The following NCKAP5 variants were observed in gnomAD, a reference collection of about 807,000 sequenced individuals.
The protein encoded by NCKAP5 is NCK associated protein 5.
NCKAP5 carries 92 observed loss-of-function variants against 167.0 expected under a neutral mutation model. The observed-to-expected ratio is 0.55, with a 90% CI of 0.47 to 0.66. NCKAP5 has a LOEUF of 0.66. NCKAP5 is among the 30% of genes least tolerant of loss of function. The pLI, the probability that NCKAP5 is intolerant of heterozygous loss-of-function variation, is 0.00. For missense variants in NCKAP5, 2,378 were observed against 2,315.0 expected, an observed-to-expected ratio of 1.03 and a Z score of -0.56; for synonymous variants, 891 against 877.4, an observed-to-expected ratio of 1.02 and a Z score of -0.27.
chr2:132,785,492 C>A lies in NCKAP5; in HGVS notation c.1319G>T (p.Gly440Val). 6.2e-7 allele frequency: 1 copy of A among 1,613,024 alleles called. No individual in the cohort carries two copies. Among genetic ancestry groups the A allele is most frequent in the Non-Finnish European group, 8.5e-7 (1 of 1,179,454 alleles). Residue 440 changes from glycine to valine, a missense_variant, in exon 14 of 20, where the codon GGA becomes GTA. Physicochemically the swap from Gly to Val is moderately radical, Grantham distance 109. This residue lies in a region of NCKAP5 where 1,049 missense variants were observed against 1,023.4 expected (regional missense o/e 1.02). Transcript: ENST00000409261. Reference protein sequence around the residue: ...MNSNEGIYSPGIKSSSLKEYP... With the variant: ...MNSNEGIYSPVIKSSSLKEYP... ...CTCCTTGAGGCTGCTACTTTTAATT[C>A]CAGGAGAATATATTCCTTCATTCGA...
At chr2:133,011,446 G>A (rs573786098) in intron 6 of NCKAP5, among the ~76,000 whole-genome samples, 2 of 152,376 alleles carry the variant, frequency 1.3e-5, no homozygotes, top group East Asian at 3.9e-4. Context: ...GATTGGAAAA[G>A]AGAGGGAAAG....
intron 3 of NCKAP5, among the ~76,000 whole-genome samples, chr2:133,492,143 T>TTGTGTGTGTGTGTGTG (rs780998843): frequency 1.2e-5 from 1 of 84,452 alleles, no homozygotes; most frequent in Non-Finnish European, 2.3e-5. Flanking sequence ...CATATCTAGT[T>TTGTGTGTGTGTGTGTG]AGTGTGTGTG....
At chr2:133,616,730 G>A in the NCKAP5 span, among the ~76,000 whole-genome samples, 3 of 151,956 alleles carry the variant, frequency 2.0e-5, no homozygotes, top group East Asian at 3.9e-4. Flanking sequence ...GGTACAAGGA[G>A]GAACTGGTAC....
intron 6 of NCKAP5, among the ~76,000 whole-genome samples, chr2:133,036,028 T>C (rs2079029357): frequency 6.6e-6 from 1 of 151,932 alleles, no homozygotes; most frequent in Non-Finnish European, 1.5e-5. Context: ...AAAGGATTAT[T>C]AGGGGCTACT....
intron 1 of NCKAP5, among the ~76,000 whole-genome samples, chr2:133,562,222 C>CAT (rs1272266391): frequency 2.6e-5 from 4 of 151,454 alleles, no homozygotes; most frequent in Admixed American, 1.3e-4. Context: ...TATACACACA[C>CAT]ATATATATAT....
At chr2:133,580,673 C>G in the NCKAP5 span, among the ~76,000 whole-genome samples, 1 of 152,276 alleles carries the variant, frequency 6.6e-6, no homozygotes, top group African/African-American at 2.4e-5. Flanking sequence ...AGCATTTTCC[C>G]CACAAGCTTT....
chr2:133,067,617 C>T lies in NCKAP5; in HGVS notation c.341+62361G>A, dbSNP rs2080242988. Among the ~76,000 whole-genome samples the T allele has an allele frequency of 3.9e-5, 6 of 152,314 alleles. 1 individual carries two copies. The South Asian group carries it at 1.2e-3, about 32-fold the overall frequency. On this transcript the variant is annotated intron_variant, in intron 6 of 19. Coordinates refer to ENST00000409261, the MANE Select transcript of NCKAP5 (RefSeq NM_207363.3). ...TCCAAGTCAAGTGGGAAATGATCTA[C>T]TCATTCAAAATAGACTGTCTTCCAG...
intron 6 of NCKAP5, among the ~76,000 whole-genome samples, chr2:133,045,056 G>C (rs561248981): frequency 1.8e-5 from 2 of 108,914 alleles, no homozygotes; most frequent in Non-Finnish European, 3.9e-5. Context: ...TCTGTAGAAA[G>C]AAGAAAAAAA....
intron 11 of NCKAP5, among the ~76,000 whole-genome samples, chr2:132,800,641 C>T (rs1684951559): frequency 6.6e-6 from 1 of 152,064 alleles, no homozygotes. Flanking sequence ...TCCATTTTTC[C>T]ATGGCACACT....
At chr2:133,636,240 G>A in the NCKAP5 span, among the ~76,000 whole-genome samples, 1 of 152,218 alleles carries the variant, frequency 6.6e-6, no homozygotes, top group Admixed American at 6.5e-5. Context: ...CTAGCCTACA[G>A]AGTTTAGAGG....
chr2:133,054,171 T>C (rs1032759856), intron 6 of NCKAP5, among the ~76,000 whole-genome samples: 1 of 152,218 alleles, frequency 6.6e-6, no homozygotes, highest in African/African-American at 2.4e-5. Context: ...AATTCTAAAA[T>C]GCTTTGTTCC....
intron 4 of NCKAP5, among the ~76,000 whole-genome samples, chr2:133,227,155 T>C (rs534513132): frequency 6.6e-6 from 1 of 152,354 alleles, no homozygotes; most frequent in Admixed American, 6.5e-5. Context: ...ATAAAATCTT[T>C]ACTGCAAAGT....
chr2:133,313,429 G>T (rs569673473), intron 3 of NCKAP5, among the ~76,000 whole-genome samples: 2 of 152,098 alleles, frequency 1.3e-5, no homozygotes, highest in South Asian at 4.1e-4. Context: ...ACAATTTTTA[G>T]TTATATTTGA....
In NCKAP5 at chr2:132,809,213, C is replaced by T. The variant is rs371506465; in HGVS notation, c.808-12484G>A. 1.6e-4 allele frequency among the ~76,000 whole-genome samples: 25 copies of T among 152,124 alleles called. No homozygotes were observed. The East Asian group carries it at 4.4e-3, about 27-fold the overall frequency. On this transcript the variant is annotated intron_variant, in intron 11 of 19. Coordinates refer to ENST00000409261, the MANE Select transcript of NCKAP5 (RefSeq NM_207363.3). The stretch of plus-strand genomic sequence containing the variant: ...ATATGGTCTATCTTGGAGAAAGTTC[C>T]ACATACTATTGAATAGAATGTGTAT...
At chr2:133,398,003 G>A (rs1574878623) in intron 3 of NCKAP5, among the ~76,000 whole-genome samples, 1 of 152,168 alleles carries the variant, frequency 6.6e-6, no homozygotes, top group East Asian at 1.9e-4. Context: ...TCTCAGTGTT[G>A]GAGAAAACTG....
chr2:133,597,127 G>T, the NCKAP5 span, among the ~76,000 whole-genome samples: 1 of 152,204 alleles, frequency 6.6e-6, no homozygotes, highest in Admixed American at 6.5e-5. Context: ...CCCAGTCTGT[G>T]GCATCTGTGA....
At chr2:133,497,951 A>G (rs1007344713) in intron 3 of NCKAP5, among the ~76,000 whole-genome samples, 3 of 152,204 alleles carry the variant, frequency 2.0e-5, no homozygotes, top group Non-Finnish European at 4.4e-5. Flanking sequence ...AAAATGAGCA[A>G]ATGCAGTCCC....
At chr2:133,267,468 G>T (rs1398010753) in intron 4 of NCKAP5, 1 of 152,178 alleles carries the variant, frequency 6.6e-6, no homozygotes, top group Non-Finnish European at 1.5e-5. Flanking sequence ...GTCAGAAGTT[G>T]GTTCCCAAGT....
intron 1 of NCKAP5, among the ~76,000 whole-genome samples, 178 bp from the exon 2 acceptor site, chr2:133,559,295 G>A (rs1349198321): frequency 2.0e-5 from 3 of 152,078 alleles, no homozygotes; most frequent in African/African-American, 7.2e-5. Flanking sequence ...GCACAATGGG[G>A]TCAGACACAT....
Sources: allele counts gnomAD v4.1 joint callset (sites outside exome capture counted in the v4.1 genomes callset), GRCh38; gene constraint gnomAD v4.1.1; regional missense constraint gnomAD v4.1.1; transcripts MANE v1.5; gene names NCBI Gene and HGNC (gene_info 2026-07-23, HGNC 2026-07-21).